Variants in EDA observed in about 807,000 individuals in gnomAD.
EDA encodes ectodysplasin A, also known as ectodysplasin-A.
A neutral mutation model predicts 23.6 loss-of-function variants in EDA; 2 were observed. That is an observed-to-expected ratio of 0.08 (90% CI 0.03 to 0.27). The LOEUF is 0.27. EDA is among the 10% of genes least tolerant of loss of function. The pLI is 1.00. For missense variants in EDA, 229 were observed against 324.2 expected (o/e 0.71, Z 2.26); for synonymous variants, 131 against 132.0 (o/e 0.99, Z 0.05).
intron 1 of EDA, among the ~76,000 whole-genome samples, chrX:69,846,065 A>G (rs1383431218): frequency 8.9e-6 from 1 of 112,380 alleles, no homozygotes; most frequent in East Asian, 2.8e-4. Context: ...TTGTTTTAGG[A>G]CACTAATTTT....
Position 69,890,206 on chromosome X carries a change from A to G in EDA, c.397-66821A>G, listed in dbSNP as rs1018395921. ...GCCTATTCAAGGAACACTACAAACC[A>G]CTGCTCAAAGAATTCAGAGGTGACA... On this transcript the variant is annotated intron_variant, in intron 1 of 7. Transcript: ENST00000374552. 2.5e-4 allele frequency among the ~76,000 whole-genome samples: 28 copies of G among 111,111 alleles called. 1 individual carries two copies. Among genetic ancestry groups the G allele is most frequent in the Non-Finnish European group, 1.9e-5 (1 of 53,042 alleles).
At chrX:69,685,681 T>A (rs927306346) in intron 1 of EDA, among the ~76,000 whole-genome samples, 1 of 112,122 alleles carries the variant, frequency 8.9e-6, no homozygotes, top group Non-Finnish European at 1.9e-5. Context: ...CATCCAAATA[T>A]TTTTGTGTCC....
At chrX:70,019,317 A>G (rs1447984902) in intron 2 of EDA, among the ~76,000 whole-genome samples, 1 of 112,154 alleles carries the variant, frequency 8.9e-6, no homozygotes, top group Non-Finnish European at 1.9e-5. Context: ...CAGAATTAGC[A>G]TGCAACCCAG....
intron 1 of EDA, among the ~76,000 whole-genome samples, chrX:69,683,535 T>C (rs1159168670): frequency 8.9e-6 from 1 of 111,841 alleles, no homozygotes; most frequent in Non-Finnish European, 1.9e-5. Flanking sequence ...CTCATTTCTT[T>C]GAATTCCCAT....
intron 1 of EDA, among the ~76,000 whole-genome samples, chrX:69,902,490 T>G (rs1001912332): frequency 1.8e-5 from 2 of 111,425 alleles, no homozygotes; most frequent in Non-Finnish European, 3.8e-5. Context: ...CAAACCCACA[T>G]GCTGAACCAT....
chrX:69,762,979 G>A (rs2014359786), intron 1 of EDA, among the ~76,000 whole-genome samples: 1 of 112,080 alleles, frequency 8.9e-6, no homozygotes, highest in African/African-American at 3.2e-5. Flanking sequence ...AAATAGGAAT[G>A]ATTTTGGATT....
At chrX:69,775,718 ATTAAT>A (rs1234955131) in intron 1 of EDA, among the ~76,000 whole-genome samples, 2 of 112,189 alleles carry the variant, frequency 1.8e-5, no homozygotes, top group Non-Finnish European at 3.8e-5. Context: ...TTTAAATGAG[ATTAAT>A]TTAATGAACG....
chrX:69,977,902 C>T (rs577316681), intron 2 of EDA, among the ~76,000 whole-genome samples: 3 of 111,648 alleles, frequency 2.7e-5, no homozygotes, highest in African/African-American at 9.7e-5. Context: ...CTGATAACCT[C>T]ACAAGGGTAT....
chrX:69,760,717 G>C (rs1398479999), intron 1 of EDA, among the ~76,000 whole-genome samples: 1 of 112,000 alleles, frequency 8.9e-6, no homozygotes, highest in Non-Finnish European at 1.9e-5. Context: ...GGTAAGGTTA[G>C]TACACCGAGT....
intron 1 of EDA, among the ~76,000 whole-genome samples, chrX:69,706,164 A>T (rs1470553252): frequency 1.8e-5 from 2 of 111,808 alleles, no homozygotes; most frequent in East Asian, 5.6e-4. Flanking sequence ...TCCCAGCCCA[A>T]GTTTTTAAAT....
intron 1 of EDA, among the ~76,000 whole-genome samples, chrX:69,711,954 T>A (rs187384902): frequency 1.2e-3 from 133 of 111,517 alleles, no homozygotes; most frequent in African/African-American, 4.1e-3. Flanking sequence ...GCTCCTGGAT[T>A]CATTGATTTT....
chrX:69,993,998 A>G (rs979254499), intron 2 of EDA, among the ~76,000 whole-genome samples: 1 of 111,996 alleles, frequency 8.9e-6, no homozygotes, highest in African/African-American at 3.2e-5. Flanking sequence ...AAGGAACCAA[A>G]TGTAACGCTG....
At chrX:69,769,428 A>C (rs2014562482) in intron 1 of EDA, among the ~76,000 whole-genome samples, 1 of 111,481 alleles carries the variant, frequency 9.0e-6, no homozygotes, top group Admixed American at 9.6e-5. Flanking sequence ...TTTCCTGTTA[A>C]GCAGTATGTT....
chrX:69,664,384 C>T (rs1247549753), intron 1 of EDA, among the ~76,000 whole-genome samples: 2 of 111,835 alleles, frequency 1.8e-5, no homozygotes, highest in Non-Finnish European at 3.8e-5. Context: ...CACATGCCCT[C>T]TCTTGCCTGC....
At chrX:69,701,210 G>A (rs1386607401) in intron 1 of EDA, among the ~76,000 whole-genome samples, 2 of 111,807 alleles carry the variant, frequency 1.8e-5, no homozygotes, top group East Asian at 5.7e-4. Context: ...CCAGGGCACT[G>A]TCGGTCTTCA....
At chrX:70,028,766 T>C (rs868183816) in intron 4 of EDA, among the ~76,000 whole-genome samples, 1 of 113,152 alleles carries the variant, frequency 8.8e-6, no homozygotes, top group Middle Eastern at 4.6e-3. Context: ...ACCTGCCTAA[T>C]TGGAGTTGAC....
chrX:69,862,191 TCTC>T (rs1236589728), intron 1 of EDA, among the ~76,000 whole-genome samples: 1 of 110,912 alleles, frequency 9.0e-6, no homozygotes, highest in Non-Finnish European at 1.9e-5. Context: ...AGTCCTCAGT[TCTC>T]CACCACATGG....
Position 70,037,562 on chromosome X carries a change from A to C in EDA, c.*1953A>C, listed in dbSNP as rs1198376365. The C allele has an allele frequency of 8.9e-6, 1 of 112,088 alleles. No individual in the cohort carries two copies. The highest frequency in any genetic ancestry group is 3.2e-5 in the African/African-American group (1 of 30,796). 9.2% of individuals were successfully genotyped at this position (112,088 alleles called of 1,213,427 possible). ...AGGCTCAGAGAGGTAGCACTCTCAG[A>C]GTGTTTTGACCAGTTTAAGCCGCAG... On this transcript the variant is annotated 3_prime_UTR_variant, in exon 8 of 8. Transcript: ENST00000374552.
chrX:69,734,250 T>C (rs1468789627), intron 1 of EDA, among the ~76,000 whole-genome samples: 1 of 111,619 alleles, frequency 9.0e-6, no homozygotes, highest in Non-Finnish European at 1.9e-5. Context: ...TATTCTCTTA[T>C]TATCTTTTAA....
Sources: gnomAD v4.1 joint callset for allele counts (sites outside exome capture counted in the v4.1 genomes callset) on GRCh38, gnomAD v4.1.1 for gene constraint, MANE v1.5 for transcripts, NCBI Gene and HGNC (gene_info 2026-07-23, HGNC 2026-07-21) for gene names.